The following PCBD2 variants were observed in gnomAD, a reference collection of about 807,000 sequenced individuals.
PCBD2 encodes the protein pterin-4 alpha-carbinolamine dehydratase 2.
In PCBD2, 12 loss-of-function variants were observed where a neutral mutation model predicts 16.4. The ratio of observed to expected loss-of-function variants is 0.73; its 90% CI spans 0.47 to 1.19. The LOEUF (loss-of-function observed/expected upper bound fraction) is 1.19. Among genes scored for constraint, PCBD2 ranks in the 50% most tolerant of loss-of-function variants. The pLI is 0.00. For synonymous variants in PCBD2, 58 were observed against 61.8 expected (o/e 0.94, Z 0.29); for missense variants, 138 against 156.8 (o/e 0.88, Z 0.64).
intron 2 of PCBD2, among the ~76,000 whole-genome samples, chr5:134,956,877 G>T (rs543651371): frequency 6.6e-6 from 1 of 152,236 alleles, no homozygotes; most frequent in African/African-American, 2.4e-5. Context: ...TCTGTACCAA[G>T]TGCTGTGCTA....
At chr5:134,927,016 T>C in intron 2 of PCBD2, 1 of 398,528 alleles carries the variant, frequency 2.5e-6, no homozygotes, top group Non-Finnish European at 4.4e-6. Context: ...AGAATTATGA[T>C]GCGACTGTGG....
At chr5:134,957,523 T>C (rs1392480618) in intron 2 of PCBD2, among the ~76,000 whole-genome samples, 5 of 152,090 alleles carry the variant, frequency 3.3e-5, no homozygotes, top group Non-Finnish European at 5.9e-5. Flanking sequence ...CTTTCATGGC[T>C]GGGCATGGTG....
intron 2 of PCBD2, chr5:134,924,243 GTTA>G (rs1750953214): frequency 1.8e-5 from 7 of 395,042 alleles, no homozygotes; most frequent in Non-Finnish European, 2.2e-5. Context: ...GATTGGGTGT[GTTA>G]TTATTCTGAA....
intron 1 of PCBD2, 147 bp from the exon 2 acceptor site, chr5:134,910,188 G>C: frequency 1.2e-6 from 1 of 848,598 alleles, no homozygotes; most frequent in South Asian, 1.8e-5. Context: ...CCTTGCTTTG[G>C]TCTCTTTAAG....
chr5:134,921,872 G>A (rs1369751495), intron 2 of PCBD2, among the ~76,000 whole-genome samples: 5 of 152,116 alleles, frequency 3.3e-5, no homozygotes, highest in African/African-American at 7.2e-5. Context: ...ACTGGCCTGC[G>A]TGCCACTTTG....
chr5:134,913,346 G>T (rs1750790365), intron 2 of PCBD2, among the ~76,000 whole-genome samples: 1 of 152,182 alleles, frequency 6.6e-6, no homozygotes, highest in Non-Finnish European at 1.5e-5. Context: ...TCTGGGGAGG[G>T]GATCTCTGAG....
rs112860710 is a variant in PCBD2 at position 134,923,567 on chromosome 5, G to C, written c.216+13101G>C. Reference sequence around the variant, plus strand: ...CTGAGTAGCCTCCTCAGATTCATTGGACCAGATCTGTTCCGATGTATGGGA... The same window carrying C: ...CTGAGTAGCCTCCTCAGATTCATTGCACCAGATCTGTTCCGATGTATGGGA... On this transcript the variant is annotated intron_variant, in intron 2 of 3. Coordinates refer to ENST00000254908, the MANE Select transcript of PCBD2 (RefSeq NM_032151.5). 5.8e-5 allele frequency: 19 copies of C among 325,126 alleles called. No homozygotes were observed. In the East Asian group the frequency reaches 8.5e-4, roughly 15 times the overall value. The allele number at this position is 325,126 out of a possible 1,614,324, so 20.1% of individuals were successfully genotyped here.
intron 2 of PCBD2, among the ~76,000 whole-genome samples, chr5:134,929,332 G>A (rs1170342927): frequency 6.8e-6 from 1 of 146,088 alleles, no homozygotes; most frequent in African/African-American, 2.5e-5. Context: ...GGGTAATAGA[G>A]CGAGACCTTG....
At chr5:134,945,856 A>G (rs1751289956) in intron 2 of PCBD2, among the ~76,000 whole-genome samples, 1 of 152,288 alleles carries the variant, frequency 6.6e-6, no homozygotes, top group African/African-American at 2.4e-5. Context: ...AGAGCCTCAG[A>G]TTTACAGAGT....
intron 3 of PCBD2, among the ~76,000 whole-genome samples, chr5:134,959,478 G>A (rs906951414): frequency 1.8e-4 from 27 of 152,126 alleles, no homozygotes; most frequent in African/African-American, 6.3e-4. Context: ...CATTTATCTC[G>A]TTGAAATATT....
intron 2 of PCBD2, among the ~76,000 whole-genome samples, chr5:134,948,751 G>T (rs1463474268): frequency 2.0e-5 from 3 of 148,240 alleles, no homozygotes; most frequent in East Asian, 2.0e-4. Context: ...GCTCTAAAAT[G>T]CTACAGTATG....
chr5:134,951,824 G>C (rs1038093212), intron 2 of PCBD2, among the ~76,000 whole-genome samples: 1 of 151,930 alleles, frequency 6.6e-6, no homozygotes, highest in African/African-American at 2.4e-5. Flanking sequence ...AATGGTGGTT[G>C]GTCTCATTAA....
intron 2 of PCBD2, among the ~76,000 whole-genome samples, chr5:134,951,202 G>A (rs1439260228): frequency 6.6e-6 from 1 of 152,108 alleles, no homozygotes; most frequent in African/African-American, 2.4e-5. Flanking sequence ...CATCATTCTT[G>A]TATATCCTTC....
At chr5:134,939,915 C>T (rs956889486) in intron 2 of PCBD2, among the ~76,000 whole-genome samples, 1 of 151,800 alleles carries the variant, frequency 6.6e-6, no homozygotes, top group African/African-American at 2.4e-5. Flanking sequence ...GAGACCCCCA[C>T]TCTGTAATAA....
At chr5:134,936,497 T>G (rs1043148874) in intron 2 of PCBD2, among the ~76,000 whole-genome samples, 2 of 152,240 alleles carry the variant, frequency 1.3e-5, no homozygotes, top group African/African-American at 4.8e-5. Context: ...TCACATGCTT[T>G]CAGGAACAGA....
At chr5:134,906,919 G>T in intron 1 of PCBD2, among the ~76,000 whole-genome samples, 1 of 152,234 alleles carries the variant, frequency 6.6e-6, no homozygotes, top group South Asian at 2.1e-4. Flanking sequence ...ACCACCAAGG[G>T]TTCTGCTGTG....
intron 1 of PCBD2, among the ~76,000 whole-genome samples, chr5:134,909,851 T>G (rs1011679292): frequency 6.6e-6 from 1 of 152,176 alleles, no homozygotes; most frequent in African/African-American, 2.4e-5. Flanking sequence ...GGCAGATCAC[T>G]TGAGCTCAGG....
At chr5:134,924,942 GTAGTTGAGATCTAGGGCTGT>G (rs917462518) in intron 2 of PCBD2, 2 of 391,582 alleles carry the variant, frequency 5.1e-6, no homozygotes, top group African/African-American at 4.1e-5. Context: ...TGTTGGTTAG[GTAGTTGAGATCTAGGGCTGT>G]TAGAAGTCCT....
chr5:134,957,849 T>C (rs905947892), intron 2 of PCBD2, among the ~76,000 whole-genome samples: 35 of 152,206 alleles, frequency 2.3e-4, no homozygotes, highest in Non-Finnish European at 7.3e-5. Flanking sequence ...CCTTTTCCTA[T>C]AGGGAAAACC....
Sources: allele counts gnomAD v4.1 joint callset (sites outside exome capture counted in the v4.1 genomes callset), GRCh38; gene constraint gnomAD v4.1.1; transcripts MANE v1.5; gene names NCBI Gene and HGNC (gene_info 2026-07-23, HGNC 2026-07-21).